Variants in SH3TC2 observed in about 807,000 individuals in gnomAD.
SH3TC2 encodes SH3 domain and tetratricopeptide repeat-containing protein 2.
SH3TC2 carries 87 observed loss-of-function variants against 124.5 expected under a neutral mutation model. That is an observed-to-expected ratio of 0.70 (90% CI 0.59 to 0.84). SH3TC2 has a LOEUF of 0.84. Among genes scored for constraint, SH3TC2 ranks in the 40% least tolerant of loss-of-function variants. The probability of loss-of-function intolerance (pLI) is 0.00; values close to 1 mark genes in which losing one functional copy is unlikely to be tolerated. For missense variants in SH3TC2, 1,536 were observed against 1,566.4 expected (o/e 0.98, Z 0.33); for synonymous variants, 634 against 628.5 (o/e 1.01, Z -0.13).
At position 149,038,496 on chromosome 5, in the gene SH3TC2, G is replaced by A; in HGVS notation, c.806-6C>T. The A allele has an allele frequency of 6.2e-7, 1 of 1,613,786 alleles. No individual in the cohort carries two copies. The highest frequency in any genetic ancestry group is 8.5e-7 in the Non-Finnish European group (1 of 1,179,764). On this transcript the variant is annotated splice_region_variant and splice_polypyrimidine_tract_variant and intron_variant, in intron 7 of 16. Transcript: ENST00000515425. ...GGCCTTACAGCGTCCTCTGCCTGTGGAAAATAGCACACAGATCAGCTACAG... is the reference window on the plus strand; with the variant it reads ...GGCCTTACAGCGTCCTCTGCCTGTGAAAAATAGCACACAGATCAGCTACAG...
chr5:149,006,583 G>A (rs1175819531), intron 16 of SH3TC2, among the ~76,000 whole-genome samples: 1 of 152,142 alleles, frequency 6.6e-6, no homozygotes, highest in Non-Finnish European at 1.5e-5. Context: ...TACAGGCAAT[G>A]TGCCTGTAGT....
rs1210960764 is a variant in SH3TC2 at position 149,008,908 on chromosome 5, C to T, written c.3421G>A (p.Gly1141Ser). 1 of 1,614,208 alleles carries T rather than the reference C, an allele frequency of 6.2e-7. No homozygotes were observed. Among genetic ancestry groups the T allele is most frequent in the Non-Finnish European group, 8.5e-7 (1 of 1,180,044 alleles). Residue 1141 changes from glycine (G) to serine (S), a missense_variant, in exon 15 of 17, where the codon GGC (glycine) becomes AGC (serine). Coordinates refer to ENST00000515425, the MANE Select transcript of SH3TC2 (RefSeq NM_024577.4). Reference protein sequence around the residue: ...KLTELQISLEGYEKALEFATL... With the variant: ...KLTELQISLESYEKALEFATL... ...GCAAATTCCAAAGCCTTCTCATAGC[C>T]TTCGAGGCTAATCTGCAGCTCTGTC...
intron 3 of SH3TC2, chr5:149,046,837 A>C (rs974132489): frequency 6.6e-6 from 1 of 152,206 alleles, no homozygotes; most frequent in Non-Finnish European, 1.5e-5. Flanking sequence ...AAAAAAAATA[A>C]AATAAAATTC....
At chr5:149,006,636 G>A (rs144134571) in intron 16 of SH3TC2, among the ~76,000 whole-genome samples, 13 of 152,278 alleles carry the variant, frequency 8.5e-5, no homozygotes, top group South Asian at 2.1e-4. Context: ...GCAAGGCAAG[G>A]AGAAAGAGGA....
chr5:148,988,743 C>T lies in SH3TC2; in HGVS notation c.*15968G>A, dbSNP rs1052633732. Among the ~76,000 whole-genome samples the T allele has an allele frequency of 6.6e-6, 1 of 152,174 alleles. No individual in the cohort carries two copies. The highest frequency in any genetic ancestry group is 6.5e-5 in the Admixed American group (1 of 15,282). On this transcript the variant is annotated 3_prime_UTR_variant, in exon 17 of 17. Coordinates refer to ENST00000515425, the MANE Select transcript of SH3TC2 (RefSeq NM_024577.4). ...GTAGAGAACCCAAGCGAGAATTGCC[C>T]GGGTGAGCCCAGTCAATCCATCAGA...
At chr5:149,030,789 C>T (rs1199666184) in intron 9 of SH3TC2, among the ~76,000 whole-genome samples, 3 of 152,220 alleles carry the variant, frequency 2.0e-5, no homozygotes, top group South Asian at 2.1e-4. Context: ...TACACAAGAG[C>T]GGACACAATG....
At chr5:149,014,079 G>C (rs1753829979) in intron 12 of SH3TC2, among the ~76,000 whole-genome samples, 1 of 152,114 alleles carries the variant, frequency 6.6e-6, no homozygotes, top group Non-Finnish European at 1.5e-5. Context: ...AGTACATTAG[G>C]GGGAGATCCA....
chr5:149,040,542 A>G (rs1367519829), intron 7 of SH3TC2, 62 bp downstream of exon 7: 2 of 1,480,998 alleles, frequency 1.4e-6, no homozygotes, highest in Non-Finnish European at 1.9e-6. Flanking sequence ...ACCTGCAGAT[A>G]AAATTGAGAG....
intron 15 of SH3TC2, chr5:149,007,491 G>A (rs1179070661): frequency 2.7e-6 from 1 of 375,694 alleles, no homozygotes; most frequent in African/African-American, 2.0e-5. Flanking sequence ...GCTTGATGGA[G>A]TAGCTAAGAA....
chr5:149,044,742 T>C, intron 3 of SH3TC2, 104 bp from the exon 4 acceptor site: 1 of 840,240 alleles, frequency 1.2e-6, no homozygotes. Context: ...ATTATGGCAT[T>C]GATTTTTACG....
intron 4 of SH3TC2, among the ~76,000 whole-genome samples, chr5:149,043,374 A>G (rs1036989209): frequency 2.6e-5 from 4 of 152,116 alleles, no homozygotes; most frequent in Admixed American, 2.0e-4. Context: ...CAGACTAAAA[A>G]CTATGTAAAT....
At chr5:149,062,336 C>A (rs536559251) in intron 1 of SH3TC2, 11 of 532,098 alleles carry the variant, frequency 2.1e-5, no homozygotes, top group Non-Finnish European at 4.2e-5. Context: ...GACCAACCAG[C>A]CTGGTTGGCC....
At chr5:149,062,260 C>T (rs1754765693) in intron 1 of SH3TC2, 1 of 487,890 alleles carries the variant, frequency 2.0e-6, no homozygotes, top group Non-Finnish European at 4.2e-6. Context: ...ATAAACACCA[C>T]ACAAGAGAAC....
At chr5:149,016,320 G>A (rs890731082) in intron 12 of SH3TC2, among the ~76,000 whole-genome samples, 1 of 152,146 alleles carries the variant, frequency 6.6e-6, no homozygotes, top group African/African-American at 2.4e-5. Flanking sequence ...CAGCAGTGCC[G>A]AATTTCTGGC....
intron 6 of SH3TC2, 126 bp from the exon 7 acceptor site, chr5:149,040,803 A>G: frequency 1.2e-6 from 1 of 849,916 alleles, no homozygotes; most frequent in South Asian, 1.4e-5. Flanking sequence ...AATGATGGCA[A>G]AAGTTTATTG....
At chr5:149,062,127 G>A (rs182909315) in intron 1 of SH3TC2, among the ~76,000 whole-genome samples, 13 of 152,224 alleles carry the variant, frequency 8.5e-5, no homozygotes, top group African/African-American at 2.6e-4. Flanking sequence ...TGGAGCTCCA[G>A]GAAGACACAG....
In SH3TC2 at chr5:148,985,701, C is replaced by T. The variant is rs2127387023; in HGVS notation, c.*19010G>A. Among the ~76,000 whole-genome samples, 1 of 152,278 alleles carries T rather than the reference C, an allele frequency of 6.6e-6. No homozygotes were observed. Among genetic ancestry groups the T allele is most frequent in the South Asian group, 2.1e-4 (1 of 4,824 alleles). ...ATAGGCTTTTGTATACATAAGTTTT[C>T]ATTTCTTTGATATAAATACCTAGGA... On this transcript the variant is annotated 3_prime_UTR_variant, in exon 17 of 17. Transcript: ENST00000515425.
At position 149,003,763 on chromosome 5, in the gene SH3TC2, A is replaced by T. The variant is rs1191627652; in HGVS notation, c.*948T>A. ...CTACTCAGGAGGTTGACACTGGAGG[A>T]TCACTTGAGCCCCGGAGTCTGAGGT... On this transcript the variant is annotated 3_prime_UTR_variant, in exon 17 of 17. Coordinates refer to ENST00000515425, the MANE Select transcript of SH3TC2 (RefSeq NM_024577.4). 1 of 448,720 alleles carries T rather than the reference A, an allele frequency of 2.2e-6. No homozygotes were observed. The highest frequency in any genetic ancestry group is 4.5e-6 in the Non-Finnish European group (1 of 224,362). The allele number at this position is 448,720 out of a possible 1,614,324, so 27.8% of individuals were successfully genotyped here.
At chr5:149,049,007 G>T (rs978907952) in intron 2 of SH3TC2, among the ~76,000 whole-genome samples, 6 of 152,192 alleles carry the variant, frequency 3.9e-5, no homozygotes, top group Admixed American at 2.0e-4. Context: ...CAGGACCTCT[G>T]CAAATTCCTC....
Sources: gnomAD v4.1 joint callset for allele counts (sites outside exome capture counted in the v4.1 genomes callset) on GRCh38, gnomAD v4.1.1 for gene constraint, MANE v1.5 for transcripts, NCBI Gene and HGNC (gene_info 2026-07-23, HGNC 2026-07-21) for gene names.